The following DDHD2 variants were observed in gnomAD, a reference collection of about 807,000 sequenced individuals.
The protein encoded by DDHD2 is DDHD domain containing 2.
A neutral mutation model predicts 91.2 loss-of-function variants in DDHD2; 62 were observed. The observed-to-expected ratio is 0.68, with a 90% CI of 0.55 to 0.84. The LOEUF (loss-of-function observed/expected upper bound fraction) is 0.84, where lower values mean the gene tolerates loss of function less well. Among genes scored for constraint, DDHD2 ranks in the 40% least tolerant of loss-of-function variants. DDHD2 has a pLI of 0.00. For missense variants in DDHD2, 740 were observed against 846.9 expected (o/e 0.87, Z 1.57); for synonymous variants, 271 against 293.9 (o/e 0.92, Z 0.80).
At chr8:38,252,676 A>G in intron 13 of DDHD2, 46 bp from the exon 14 acceptor site, 1 of 1,372,000 alleles carries the variant, frequency 7.3e-7, no homozygotes, top group Non-Finnish European at 1.0e-6. Flanking sequence ...TAGTTTCCAG[A>G]CTGTGCTTAG....
At chr8:38,269,031 TC>T in intron 1 of DDHD2, 1 of 1,533,638 alleles carries the variant, frequency 6.5e-7, no homozygotes, top group South Asian at 1.2e-5. Flanking sequence ...TCGCCTGGCT[TC>T]CTCCCCGCTT....
At chr8:38,252,109 T>C (rs751089073) in intron 12 of DDHD2, 23 bp from the exon 13 acceptor site, 2 of 1,612,580 alleles carry the variant, frequency 1.2e-6, no homozygotes, top group Non-Finnish European at 1.7e-6. Context: ...TAATGAGAGA[T>C]GCTTTTATTT....
downstream of DDHD2, chr8:38,263,797 G>A (rs1236955446): frequency 2.0e-6 from 2 of 985,116 alleles, no homozygotes; most frequent in East Asian, 2.3e-4. Context: ...GAGACAAGGT[G>A]GGGCTATGTA....
In DDHD2 at chr8:38,233,027, G is replaced by T; in HGVS notation, c.33G>T (p.Leu11Phe). The change falls in exon 2 of 18, where the codon TTG becomes TTT. Residue 11 changes from leucine to phenylalanine, a missense_variant. By Grantham distance (22) the Leu-to-Phe change is conservative. Around this residue, in one of 2 missense-constraint regions of DDHD2, gnomAD observed 693 missense variants for 764.2 expected, o/e 0.91. Transcript: ENST00000397166. MSSVQSQQEQ[L>F]SQSDPSPSPN... Reference sequence around the variant, plus strand: ...CAGTGCAGTCACAACAGGAGCAGTTGTCCCAGTCAGATCCATCTCCGTCAC... The same window carrying T: ...CAGTGCAGTCACAACAGGAGCAGTTTTCCCAGTCAGATCCATCTCCGTCAC... 6.2e-7 allele frequency: 1 copy of T among 1,614,150 alleles called. No homozygotes were observed. Among genetic ancestry groups the T allele is most frequent in the East Asian group, 2.2e-5 (1 of 44,876 alleles).
chr8:38,268,806 C>CG (rs1808167663), intron 1 of DDHD2: 1 of 1,451,148 alleles, frequency 6.9e-7, no homozygotes, highest in Non-Finnish European at 9.1e-7. Flanking sequence ...AAGGCCGTCT[C>CG]GGGGTGGAAA....
At chr8:38,264,065 AG>A (rs1187040465), downstream of DDHD2, 1 of 989,930 alleles carries the variant, frequency 1.0e-6, no homozygotes, top group Non-Finnish European at 1.2e-6. Context: ...GCACCTTGGA[AG>A]GGGAAAAAAA....
At chr8:38,231,927 G>C (rs1227670124) in intron 1 of DDHD2, 68 bp downstream of exon 1, 1 of 153,478 alleles carries the variant, frequency 6.5e-6, no homozygotes, top group Non-Finnish European at 1.4e-5. Context: ...GCGGCGCAGC[G>C]CTGCGGGGCC....
At position 38,252,155 on chromosome 8, in the gene DDHD2, C is replaced by T. The variant is rs754058520; in HGVS notation, c.1485C>T (p.Leu495=). 3.0e-5 allele frequency: 49 copies of T among 1,614,040 alleles called. No individual in the cohort carries two copies. The highest frequency in any genetic ancestry group is 4.2e-5 in the Non-Finnish European group (49 of 1,180,004). Residue 495 remains leucine (L), a synonymous_variant, in exon 13 of 18, where the codon CTC becomes CTT. Coordinates refer to ENST00000397166, the MANE Select transcript of DDHD2 (RefSeq NM_015214.3). ...IGQVSVKYPR[L]IYKPEIFFAF... is the part of the protein sequence containing the mutation. ...AGGTGTCTGTGAAATACCCCCGGCT[C>T]ATCTATAAACCAGAGATATTCTTTG...
intron 16 of DDHD2, among the ~76,000 whole-genome samples, chr8:38,257,534 C>G (rs1806614717): frequency 6.6e-6 from 1 of 151,770 alleles, no homozygotes; most frequent in Non-Finnish European, 1.5e-5. Flanking sequence ...CAGGCATGAG[C>G]CACTGCGCCT....
chr8:38,264,922 T>G, downstream of DDHD2: 1 of 1,612,748 alleles, frequency 6.2e-7, no homozygotes, highest in Non-Finnish European at 8.5e-7. Flanking sequence ...TTGCTATTCA[T>G]CTGCCCATTT....
downstream of DDHD2, chr8:38,267,231 A>G (rs763042616): frequency 2.1e-5 from 34 of 1,613,830 alleles, no homozygotes; most frequent in Non-Finnish European, 2.6e-5. Context: ...ATGATGTGAA[A>G]ACAAGCATAG....
intron 1 of DDHD2, among the ~76,000 whole-genome samples, chr8:38,232,479 A>G (rs990026252): frequency 6.6e-6 from 1 of 152,272 alleles, no homozygotes; most frequent in Admixed American, 6.5e-5. Context: ...AGCGACTTCA[A>G]GGATCCATCA....
intron 7 of DDHD2, among the ~76,000 whole-genome samples, chr8:38,243,584 T>C (rs571667059): frequency 1.3e-5 from 2 of 152,232 alleles, no homozygotes; most frequent in South Asian, 4.1e-4. Context: ...TCATACCTTA[T>C]CTAATGCCCC....
At chr8:38,248,350 C>T (rs954721573) in intron 10 of DDHD2, among the ~76,000 whole-genome samples, 3 of 150,308 alleles carry the variant, frequency 2.0e-5, no homozygotes, top group Non-Finnish European at 3.0e-5. Context: ...TGTGAGCCAC[C>T]GTGCCCAGCC....
chr8:38,269,486 GCGGGGAGCAGCCTTCTCC>G (rs1009691311), intron 1 of DDHD2, among the ~76,000 whole-genome samples: 4 of 152,226 alleles, frequency 2.6e-5, no homozygotes, highest in African/African-American at 9.6e-5. Flanking sequence ...CCACACCACC[GCGGGGAGCAGCCTTCTCC>G]CGGGACCTCG....
intron 15 of DDHD2, 111 bp downstream of exon 15, chr8:38,253,238 T>C: frequency 4.3e-6 from 5 of 1,159,416 alleles, no homozygotes; most frequent in Non-Finnish European, 6.0e-6. Flanking sequence ...TAGTTAATAT[T>C]GCATTCTTTT....
intron 1 of DDHD2, among the ~76,000 whole-genome samples, 190 bp from the exon 2 acceptor site, chr8:38,232,797 A>G (rs1231562375): frequency 2.0e-5 from 3 of 152,256 alleles, no homozygotes; most frequent in Non-Finnish European, 4.4e-5. Flanking sequence ...TTGATCTAAT[A>G]GAAGCATTTT....
intron 6 of DDHD2, 97 bp from the exon 7 acceptor site, chr8:38,242,153 G>A: frequency 1.0e-6 from 1 of 974,444 alleles, no homozygotes; most frequent in Non-Finnish European, 1.5e-6. Context: ...TGTGTTCTGT[G>A]CAAATGTAGT....
At chr8:38,268,080 CAA>C in intron 1 of DDHD2, 2 of 1,524,212 alleles carry the variant, frequency 1.3e-6, no homozygotes. Flanking sequence ...GGCCTGGGCA[CAA>C]AAATAATTAG....
Sources: gnomAD v4.1 joint callset for allele counts (sites outside exome capture counted in the v4.1 genomes callset) on GRCh38, gnomAD v4.1.1 for gene constraint, gnomAD v4.1.1 regional missense constraint, MANE v1.5 for transcripts, NCBI Gene and HGNC (gene_info 2026-07-23, HGNC 2026-07-21) for gene names.